Variants in THAP12 observed in about 807,000 individuals in gnomAD.
THAP12 encodes 52 kDa repressor of the inhibitor of the protein kinase.
THAP12 carries 20 observed loss-of-function variants against 63.0 expected under a neutral mutation model. The observed-to-expected ratio is 0.32, with a 90% CI of 0.22 to 0.46. The LOEUF (loss-of-function observed/expected upper bound fraction) is 0.46. THAP12 is among the 20% of genes least tolerant of loss of function. The pLI is 1.00. For missense variants in THAP12, 568 were observed against 908.2 expected (o/e 0.63, Z 4.81); for synonymous variants, 264 against 328.4 (o/e 0.80, Z 2.12).
At chr11:76,362,629 C>T (rs1489759161) in intron 2 of THAP12, among the ~76,000 whole-genome samples, 1 of 152,142 alleles carries the variant, frequency 6.6e-6, no homozygotes, top group Non-Finnish European at 1.5e-5. Context: ...ATTCAAAGCT[C>T]CCCCATCTTT....
chr11:76,355,791 A>T, intron 3 of THAP12, 137 bp from the exon 4 acceptor site: 2 of 632,172 alleles, frequency 3.2e-6, no homozygotes, highest in Non-Finnish European at 5.0e-6. Flanking sequence ...TTCTTTATAT[A>T]GTACACATTC....
intron 2 of THAP12, chr11:76,361,328 T>G: frequency 3.0e-6 from 1 of 333,380 alleles, no homozygotes; most frequent in Non-Finnish European, 5.5e-6. Context: ...CATATCTGTT[T>G]CTAATTCAGC....
chr11:76,370,660 G>C (rs1946666929), intron 1 of THAP12, among the ~76,000 whole-genome samples: 1 of 151,882 alleles, frequency 6.6e-6, no homozygotes, highest in Non-Finnish European at 1.5e-5. Flanking sequence ...ACCGCACGTA[G>C]CTCTTCTATG....
chr11:76,366,100 G>A lies in THAP12; in HGVS notation c.90-128C>T, dbSNP rs146481122. ...CCCCTCCCTGAGAACATAATTTGGA[G>A]AATTTGATTAATAACAAAATAACAG... is the stretch of plus-strand genomic sequence containing the variant. On this transcript the variant is annotated intron_variant, in intron 1 of 4. Transcript: ENST00000260045. 5,215 of 1,093,408 alleles carry A rather than the reference G, an allele frequency of 4.8e-3. 198 individuals are homozygous for A. In the African/African-American group the frequency reaches 0.074, roughly 16 times the overall value. The allele number at this position is 1,093,408 out of a possible 1,614,324, so 67.7% of individuals were successfully genotyped here.
chr11:76,365,407 C>G (rs528660319), intron 2 of THAP12, among the ~76,000 whole-genome samples: 4 of 151,648 alleles, frequency 2.6e-5, no homozygotes, highest in African/African-American at 7.3e-5. Flanking sequence ...TTTTTCCAGA[C>G]AAGCGCTCAC....
Position 76,350,059 on chromosome 11 carries a change from C to T in THAP12, c.*805G>A, listed in dbSNP as rs1946514182. On this transcript the variant is annotated 3_prime_UTR_variant, in exon 5 of 5. Transcript: ENST00000260045. Reference sequence around the variant, plus strand: ...ATTTTCCATATTTTTCTAGATAAACCACAACACTTATTTTGTAGGTTTTCC... The same window carrying T: ...ATTTTCCATATTTTTCTAGATAAACTACAACACTTATTTTGTAGGTTTTCC... The T allele has an allele frequency of 6.6e-6, 1 of 152,452 alleles. No homozygotes were observed. The highest frequency in any genetic ancestry group is 2.4e-5 in the African/African-American group (1 of 41,304). 9.4% of individuals were successfully genotyped at this position (152,452 alleles called of 1,614,324 possible).
At chr11:76,352,905 A>C in intron 4 of THAP12, 111 bp from the exon 5 acceptor site, 1 of 1,281,372 alleles carries the variant, frequency 7.8e-7, no homozygotes, top group Non-Finnish European at 1.0e-6. Context: ...TTCATTCAAT[A>C]TTCATAGGGT....
At chr11:76,379,373 C>T (rs558076707) in intron 1 of THAP12, among the ~76,000 whole-genome samples, 1 of 152,318 alleles carries the variant, frequency 6.6e-6, no homozygotes, top group African/African-American at 2.4e-5. Context: ...GCTCTAAACC[C>T]TTCAATGACT....
intron 1 of THAP12, among the ~76,000 whole-genome samples, chr11:76,374,721 C>T (rs956762215): frequency 2.6e-5 from 4 of 152,164 alleles, no homozygotes; most frequent in Non-Finnish European, 5.9e-5. Context: ...CAAATAATAT[C>T]AGTGTTATTA....
At chr11:76,375,508 G>A (rs1352237863) in intron 1 of THAP12, among the ~76,000 whole-genome samples, 1 of 151,306 alleles carries the variant, frequency 6.6e-6, no homozygotes, top group African/African-American at 2.4e-5. Context: ...GAACTATTAT[G>A]GTATGTGATT....
At chr11:76,377,722 T>G (rs1347083107) in intron 1 of THAP12, among the ~76,000 whole-genome samples, 1 of 152,268 alleles carries the variant, frequency 6.6e-6, no homozygotes, top group Non-Finnish European at 1.5e-5. Flanking sequence ...TTGGTTTTTT[T>G]GAATATCAGT....
intron 1 of THAP12, among the ~76,000 whole-genome samples, chr11:76,379,480 T>A (rs1463975442): frequency 6.6e-6 from 1 of 152,198 alleles, no homozygotes; most frequent in Non-Finnish European, 1.5e-5. Flanking sequence ...CTTTCTGGTC[T>A]CATCTCACCT....
In THAP12 at chr11:76,380,844, C is replaced by A. The variant is rs755341591; in HGVS notation, c.-8G>T. 81 of 1,424,198 alleles carry A rather than the reference C, an allele frequency of 5.7e-5. No homozygotes were observed. Among genetic ancestry groups the A allele is most frequent in the Non-Finnish European group, 6.9e-5 (74 of 1,077,782 alleles). 88.2% of individuals were successfully genotyped at this position (1,424,198 alleles called of 1,614,324 possible). The stretch of plus-strand genomic sequence containing the variant: ...AGCGCAGAAGTTCGGCATCGTCGCC[C>A]GCCCGCCGGCCGGCCCAGCCCTCCC... On this transcript the variant is annotated 5_prime_UTR_variant, in exon 1 of 5. Coordinates refer to ENST00000260045, the MANE Select transcript of THAP12 (RefSeq NM_004705.4).
In THAP12 at chr11:76,352,726, C is replaced by T. The variant is rs779072571; in HGVS notation, c.424G>A (p.Glu142Lys). The change falls in exon 5 of 5, where the codon GAA becomes AAA. Residue 142 changes from glutamate to lysine, a missense_variant. Glu to Lys is a moderately conservative substitution (Grantham distance 56). Transcript: ENST00000260045. ...TNNSNAQNPS[E>K]EEGEGQDEDI... ...TCATCTTGCCCTTCACCCTCTTCTT[C>T]GCTGGGGTTCTGAGCATTGCTATTG... is the stretch of plus-strand genomic sequence containing the variant. 1.2e-5 allele frequency: 20 copies of T among 1,604,098 alleles called. No individual in the cohort carries two copies. Among genetic ancestry groups the T allele is most frequent in the South Asian group, 5.6e-5 (5 of 88,944 alleles).
chr11:76,363,369 C>CT lies in THAP12; in HGVS notation c.211-2307dup, dbSNP rs879426082. Among the ~76,000 whole-genome samples the CT allele has an allele frequency of 1.2e-3, 173 of 145,286 alleles. 1 individual carries two copies. Among genetic ancestry groups the CT allele is most frequent in the Middle Eastern group, 3.5e-3 (1 of 286 alleles). ...AGTCATGAATGTTTACTGATGAAAT[C>CT]TTTTTTTTTTTGTCTGTTTAAAGAC... On this transcript the variant is annotated intron_variant, in intron 2 of 4. Transcript: ENST00000260045.
In THAP12 at chr11:76,351,806, T is replaced by C; in HGVS notation, c.1344A>G (p.Leu448=). The change falls in exon 5 of 5, where the codon TTA becomes TTG. Residue 448 remains leucine, a synonymous_variant. Coordinates refer to ENST00000260045, the MANE Select transcript of THAP12 (RefSeq NM_004705.4). ...VELLQALVLC[L]DGINSDTNIR... is the part of the protein sequence containing the mutation. ...TATTTGTGTCACTATTTATACCATC[T>C]AAACATAAAACAAGTGCTTGCAGGA... is the stretch of plus-strand genomic sequence containing the variant. The C allele has an allele frequency of 1.9e-6, 3 of 1,609,574 alleles. No individual in the cohort carries two copies. The highest frequency in any genetic ancestry group is 2.5e-6 in the Non-Finnish European group (3 of 1,177,962).
chr11:76,364,126 A>AT (rs1332391411), intron 2 of THAP12, among the ~76,000 whole-genome samples: 1 of 152,238 alleles, frequency 6.6e-6, no homozygotes, highest in Admixed American at 6.5e-5. Flanking sequence ...GACCATATTT[A>AT]TTACTAAAAT....
chr11:76,366,566 A>T (rs1946632641), intron 1 of THAP12, among the ~76,000 whole-genome samples: 1 of 152,120 alleles, frequency 6.6e-6, no homozygotes, highest in South Asian at 2.1e-4. Flanking sequence ...CTGTAGTCCC[A>T]GCTACTCGGG....
rs750607366 is a variant in THAP12, at chr11:76,365,852, A to C, written c.210T>G (p.Thr70=). ...GACACCAAGCTCTTCTATTACTCAC[A>C]GTTCTACAGATCATAGAGGTCTCAA... is the stretch of plus-strand genomic sequence containing the variant. The part of the protein sequence containing the change: ...KHFETSMICR[T]SPYRTVLRDN... The change falls in exon 2 of 5, where the codon ACT becomes ACG. Residue 70 remains threonine, a splice_region_variant and synonymous_variant. Coordinates refer to ENST00000260045, the MANE Select transcript of THAP12 (RefSeq NM_004705.4). 1.2e-6 allele frequency: 2 copies of C among 1,611,580 alleles called. No homozygotes were observed. Among genetic ancestry groups the C allele is most frequent in the Admixed American group, 3.3e-5 (2 of 59,818 alleles).
Sources: gnomAD v4.1 joint callset for allele counts (sites outside exome capture counted in the v4.1 genomes callset) on GRCh38, gnomAD v4.1.1 for gene constraint, MANE v1.5 for transcripts, NCBI Gene and HGNC (gene_info 2026-07-23, HGNC 2026-07-21) for gene names.